Variants in LTK observed in about 807,000 individuals in gnomAD.
LTK encodes the protein leukocyte receptor tyrosine kinase.
Under a neutral mutation model 101.5 loss-of-function variants are expected in LTK, and 117 were observed. The observed-to-expected ratio is 1.15, with a 90% CI of 0.99 to 1.34. The LOEUF (loss-of-function observed/expected upper bound fraction) is 1.34. Among genes scored for constraint, LTK ranks in the 40% most tolerant of loss-of-function variants. The pLI, the probability that LTK is intolerant of heterozygous loss-of-function variation, is 0.00. For synonymous variants in LTK, 563 were observed against 494.2 expected (o/e 1.14, Z -1.85); for missense variants, 1,252 against 1,164.7 (o/e 1.07, Z -1.09).
At position 41,505,007 on chromosome 15, in the gene LTK, C is replaced by G; in HGVS notation, c.1983G>C (p.Lys661Asn). ...LSCAGPSRVA[K>N]IGDFGMARDI... ...CTCGTGCCATCCCAAAGTCCCCAAT[C>G]TTGGCCACTCGGCTGGGTCCAGCGC... is the stretch of plus-strand genomic sequence containing the variant. The change falls in exon 16 of 20, where the codon AAG (lysine) becomes AAC (asparagine). Residue 661 changes from lysine to asparagine, a missense_variant. Transcript: ENST00000263800. The G allele has an allele frequency of 1.2e-6, 2 of 1,613,582 alleles. No individual in the cohort carries two copies. Among genetic ancestry groups the G allele is most frequent in the Non-Finnish European group, 1.7e-6 (2 of 1,179,696 alleles).
intron 8 of LTK, among the ~76,000 whole-genome samples, chr15:41,508,490 G>A (rs2140715277): frequency 6.6e-6 from 1 of 152,142 alleles, no homozygotes; most frequent in Middle Eastern, 3.4e-3. Flanking sequence ...CCGGGAGGCG[G>A]AGGTTGCAGT....
At chr15:41,507,320 T>TCCACCTGCCCATCAACTCTCCCTCCC in intron 10 of LTK, 30 bp from the exon 11 acceptor site, 1 of 1,558,202 alleles carries the variant, frequency 6.4e-7, no homozygotes, top group Non-Finnish European at 8.7e-7. Flanking sequence ...CGGCACACCC[T>TCCACCTGCCCATCAACTCTCCCTCCC]CCACCTGCCC....
chr15:41,506,217 C>T (rs927039021), intron 11 of LTK, among the ~76,000 whole-genome samples: 17 of 152,244 alleles, frequency 1.1e-4, no homozygotes, highest in Admixed American at 1.1e-3. Flanking sequence ...CAGATGCGGG[C>T]CAGAGTCAAG....
Position 41,509,051 on chromosome 15 carries a change from A to G in LTK, c.1076T>C (p.Leu359Pro). ...GVSFIHPSSE[L>P]FLQPLAVTEN... ...AATACCTGCCAGAGGCTGCAGGAAGAGCTCGCTGCTGGGGTGTATGAAGGA... is the reference window on the plus strand; with the variant it reads ...AATACCTGCCAGAGGCTGCAGGAAGGGCTCGCTGCTGGGGTGTATGAAGGA... The change falls in exon 8 of 20, where the codon CTC becomes CCC. Residue 359 changes from leucine to proline, a missense_variant. By Grantham distance (98) the Leu-to-Pro change is moderately conservative. Transcript: ENST00000263800. The G allele has an allele frequency of 6.2e-7, 1 of 1,609,980 alleles. No individual in the cohort carries two copies.
Position 41,505,796 on chromosome 15 carries a change from C to T in LTK, c.1633-19G>A, listed in dbSNP as rs746651642. 1 of 1,613,192 alleles carries T rather than the reference C, an allele frequency of 6.2e-7. No individual in the cohort carries two copies. Among genetic ancestry groups the T allele is most frequent in the South Asian group, 1.1e-5 (1 of 90,996 alleles). On this transcript the variant is annotated intron_variant, in intron 12 of 19. Transcript: ENST00000263800. ...GCAGGGTCTGGGGAGGAAAAGGGCA[C>T]AGTTTCTGAGCTGCCCTGCACGCTT...
intron 2 of LTK, 23 bp downstream of exon 2, chr15:41,512,954 G>A (rs1017526320): frequency 3.7e-6 from 6 of 1,613,218 alleles, no homozygotes; most frequent in Admixed American, 3.3e-5. Flanking sequence ...GAGCGAAAGA[G>A]GAAGGAGGCG....
In LTK at chr15:41,511,952, C is replaced by A. The variant is rs768608231; in HGVS notation, c.522G>T (p.Glu174Asp). The A allele has an allele frequency of 9.5e-5, 142 of 1,488,154 alleles. No homozygotes were observed. Among genetic ancestry groups the A allele is most frequent in the Non-Finnish European group, 9.8e-5 (111 of 1,133,176 alleles). The allele number at this position is 1,488,154 out of a possible 1,614,324, so 92.2% of individuals were successfully genotyped here. ...GEDACPGGSP[E>D]SQLVCLGESR... ...ACTCCCCGAGGCAGACGAGCTGGCT[C>A]TCCGGGCTACCCTGCGGGCAGCGGG... Residue 174 changes from glutamate to aspartate, a missense_variant, in exon 5 of 20, where the codon GAG becomes GAT. Physicochemically the swap from Glu to Asp is conservative, Grantham distance 45. Coordinates refer to ENST00000263800, the MANE Select transcript of LTK (RefSeq NM_002344.6). The surrounding 1 kb of genome is among the most constrained non-coding windows in gnomAD (Gnocchi z 5.9).
intron 9 of LTK, 43 bp downstream of exon 9, chr15:41,508,025 CT>C: frequency 6.5e-7 from 1 of 1,539,760 alleles, no homozygotes; most frequent in Non-Finnish European, 8.7e-7. Context: ...TCCTCCCAGT[CT>C]GTGACCCCAG....
In LTK at chr15:41,511,305, C is replaced by A. The variant is rs770753186; in HGVS notation, c.856G>T (p.Ala286Ser). The A allele has an allele frequency of 9.5e-6, 13 of 1,371,984 alleles. No individual in the cohort carries two copies. In the South Asian group the frequency reaches 2.2e-4, roughly 24 times the overall value. 85.0% of individuals were successfully genotyped at this position (1,371,984 alleles called of 1,614,324 possible). Reference protein sequence around the residue: ...GWTSRAPSPQAGRSLQEGAEG... With the variant: ...GWTSRAPSPQSGRSLQEGAEG... Reference sequence around the variant, plus strand: ...GCCCCCTCCTGCAGTGAGCGGCCGGCCTGCGGAGAGGGAGCCCGCGACGTC... The same window carrying A: ...GCCCCCTCCTGCAGTGAGCGGCCGGACTGCGGAGAGGGAGCCCGCGACGTC... Residue 286 changes from alanine to serine, a missense_variant, in exon 7 of 20, where the codon GCC becomes TCC. Coordinates refer to ENST00000263800, the MANE Select transcript of LTK (RefSeq NM_002344.6). The surrounding 1 kb of genome is among the most constrained non-coding windows in gnomAD (Gnocchi z 5.9).
chr15:41,505,699 G>C lies in LTK; in HGVS notation c.1697+14C>G. ...CCTCCCGCCTTCCAGCCCTGCCCCTGGTCCCAGGTGCACCTGATGATGAGG... is the reference window on the plus strand; with the variant it reads ...CCTCCCGCCTTCCAGCCCTGCCCCTCGTCCCAGGTGCACCTGATGATGAGG... On this transcript the variant is annotated intron_variant, in intron 13 of 19. Transcript: ENST00000263800. The C allele has an allele frequency of 6.2e-7, 1 of 1,613,514 alleles. No individual in the cohort carries two copies. The highest frequency in any genetic ancestry group is 8.5e-7 in the Non-Finnish European group (1 of 1,179,788).
At position 41,504,773 on chromosome 15, in the gene LTK, C is replaced by G; in HGVS notation, c.2120G>C (p.Trp707Ser). ...AAGGGGAGGGGAAGGGTGTTATCAC[C>G]AGGAATCTGTCTTGGATGTGAAGAT... ...EGIFTSKTDSWSFGVLLWEIF... is the reference protein window; with the variant it reads ...EGIFTSKTDSSSFGVLLWEIF... Residue 707 changes from tryptophan (W) to serine (S), a missense_variant and splice_region_variant, in exon 17 of 20, where the codon TGG (tryptophan) becomes TCG (serine). Transcript: ENST00000263800. 1 of 1,579,396 alleles carries G rather than the reference C, an allele frequency of 6.3e-7. No homozygotes were observed. Among genetic ancestry groups the G allele is most frequent in the Middle Eastern group, 1.7e-4 (1 of 5,980 alleles).
In LTK at chr15:41,507,688, A is replaced by C. The variant is rs200982888; in HGVS notation, c.1250-31T>G. Reference sequence around the variant, plus strand: ...GAGAAAGAGAGACACCTCCAGTGGGAAGGTCTTCTCTGTTCCTTTACCCTC... The same window carrying C: ...GAGAAAGAGAGACACCTCCAGTGGGCAGGTCTTCTCTGTTCCTTTACCCTC... On this transcript the variant is annotated intron_variant, in intron 9 of 19. Transcript: ENST00000263800. 281 of 1,599,106 alleles carry C rather than the reference A, an allele frequency of 1.8e-4. 2 individuals carry two copies. The East Asian group carries it at 6.3e-3, about 36-fold the overall frequency.
rs8039158 is a variant in LTK at position 41,511,598 on chromosome 15, T to G, written c.658-20A>C. 3.0e-3 allele frequency: 4,293 copies of G among 1,431,818 alleles called. 106 individuals are homozygous for G. The African/African-American group carries it at 0.055, about 18-fold the overall frequency. 88.7% of individuals were successfully genotyped at this position (1,431,818 alleles called of 1,614,324 possible). ...GCGCACCTGTGGGGCCAGCGGCGTG[T>G]TCCAGGAAGCGCCCTCCAGCTGTCC... is the stretch of plus-strand genomic sequence containing the variant. On this transcript the variant is annotated intron_variant, in intron 5 of 19. Transcript: ENST00000263800. This position sits in a 1 kb window ranked among gnomAD's most constrained non-coding sequence, Gnocchi z 5.9.
At chr15:41,508,039 G>A (rs767394805) in intron 9 of LTK, 30 bp downstream of exon 9, 7 of 1,563,982 alleles carry the variant, frequency 4.5e-6, no homozygotes, top group South Asian at 2.4e-5. Context: ...GACCCCAGGA[G>A]TCCAGACCTT....
At position 41,511,572 on chromosome 15, in the gene LTK, C is replaced by T. The variant is rs752815554; in HGVS notation, c.664G>A (p.Ala222Thr). ...ACCAGCAACGGTTCCAGCTCGCCAG[C>T]GCGCACCTGTGGGGCCAGCGGCGTG... ...GGATYVFRVRAGELEPLLVAA... is the reference protein window; with the variant it reads ...GGATYVFRVRTGELEPLLVAA... Residue 222 changes from alanine (A) to threonine (T), a missense_variant, in exon 6 of 20, where the codon GCT (alanine) becomes ACT (threonine). Transcript: ENST00000263800. This position sits in a 1 kb window ranked among gnomAD's most constrained non-coding sequence, Gnocchi z 5.9. 15 of 1,444,148 alleles carry T rather than the reference C, an allele frequency of 1.0e-5. No individual in the cohort carries two copies. The highest frequency in any genetic ancestry group is 1.2e-5 in the Non-Finnish European group (13 of 1,110,580). 89.5% of individuals were successfully genotyped at this position (1,444,148 alleles called of 1,614,324 possible). A position where few individuals can be genotyped will look rare whatever the true frequency, so the allele number is the denominator to read the frequency against.
At chr15:41,505,847 T>G (rs2051261635) in intron 12 of LTK, 68 bp downstream of exon 12, 10 of 1,600,708 alleles carry the variant, frequency 6.2e-6, no homozygotes. Flanking sequence ...ACCCTAGCTC[T>G]AGTCATTGTC....
chr15:41,504,474 G>A, intron 18 of LTK, 32 bp downstream of exon 18: 3 of 1,613,808 alleles, frequency 1.9e-6, no homozygotes, highest in Non-Finnish European at 2.5e-6. Context: ...TGGTTGTGAA[G>A]GACCTCCCTT....
At position 41,505,933 on chromosome 15, in the gene LTK, G is replaced by C. The variant is rs999371827; in HGVS notation, c.1614C>G (p.Pro538=). Residue 538 remains proline (P), a synonymous_variant, in exon 12 of 20, where the codon CCC becomes CCG. Coordinates refer to ENST00000263800, the MANE Select transcript of LTK (RefSeq NM_002344.6). ...CTCTCACCTTGATAGCTACCTGCAG[G>C]GGACTGGAGTCCCCAGGAAGGCCAA... The part of the protein sequence containing the change: ...LVIGLPGDSS[P]LQVAIKTLPE... 6.2e-7 allele frequency: 1 copy of C among 1,613,710 alleles called. No individual in the cohort carries two copies. Among genetic ancestry groups the C allele is most frequent in the Non-Finnish European group, 8.5e-7 (1 of 1,179,812 alleles).
chr15:41,510,106 A>C (rs1434360123), intron 7 of LTK, among the ~76,000 whole-genome samples: 2 of 151,582 alleles, frequency 1.3e-5, no homozygotes, highest in Admixed American at 6.6e-5. Context: ...TCCCGGGTTC[A>C]AGCGATTTTC....
Sources: gnomAD v4.1 joint callset for allele counts (sites outside exome capture counted in the v4.1 genomes callset) on GRCh38, gnomAD v4.1.1 for gene constraint, Gnocchi (gnomAD v3.1) non-coding constraint, MANE v1.5 for transcripts, NCBI Gene and HGNC (gene_info 2026-07-23, HGNC 2026-07-21) for gene names.